Variants in ZRANB1 observed in about 807,000 individuals in gnomAD.
The protein encoded by ZRANB1 is ubiquitin thioesterase ZRANB1.
A neutral mutation model predicts 80.5 loss-of-function variants in ZRANB1; 16 were observed. The ratio of observed to expected loss-of-function variants is 0.20; its 90% CI spans 0.13 to 0.30. The LOEUF is 0.30. Ranked by LOEUF, ZRANB1 falls within the 10% of genes least tolerant of loss-of-function variation. The pLI, the probability that ZRANB1 is intolerant of heterozygous loss-of-function variation, is 1.00. For synonymous variants in ZRANB1, 291 were observed against 293.1 expected (o/e 0.99, Z 0.07); for missense variants, 576 against 862.6 (o/e 0.67, Z 4.16).
chr10:124,983,451 C>G lies in ZRANB1; in HGVS notation c.1679-8C>G, dbSNP rs372506224. 6.2e-7 allele frequency: 1 copy of G among 1,606,086 alleles called. No homozygotes were observed. The highest frequency in any genetic ancestry group is 1.7e-5 in the Admixed American group (1 of 59,610). ...TGACTGTTGGGATTTTCTTCCCTCT[C>G]TTTCCAGGTGTTTATCTGCCTTTGT... is the stretch of plus-strand genomic sequence containing the variant. On this transcript the variant is annotated splice_polypyrimidine_tract_variant and splice_region_variant and intron_variant, in intron 7 of 8. Transcript: ENST00000359653. This position sits in a 1 kb window ranked among gnomAD's most constrained non-coding sequence, Gnocchi z 6.2.
At chr10:124,920,336 A>G in the ZRANB1 span, among the ~76,000 whole-genome samples, 252 of 152,220 alleles carry the variant, frequency 1.7e-3, no homozygotes, top group African/African-American at 5.9e-3. Context: ...TTGGTATTCG[A>G]TTTGGAATAT....
At chr10:124,924,893 G>A in the ZRANB1 span, among the ~76,000 whole-genome samples, 2 of 151,470 alleles carry the variant, frequency 1.3e-5, no homozygotes, top group South Asian at 4.2e-4. Flanking sequence ...TTTCCAAAGT[G>A]GTTGCATCAT....
the ZRANB1 span, among the ~76,000 whole-genome samples, chr10:124,935,343 C>G: frequency 1.3e-5 from 2 of 152,218 alleles, no homozygotes; most frequent in South Asian, 4.1e-4. Flanking sequence ...AAACATGAAT[C>G]TTAGTCCAAA....
At chr10:124,919,613 C>CTTTTTT in the ZRANB1 span, among the ~76,000 whole-genome samples, 1 of 131,604 alleles carries the variant, frequency 7.6e-6, no homozygotes, top group African/African-American at 3.0e-5. Flanking sequence ...CCTCCTCCTC[C>CTTTTTT]TTTTTTTTTT....
chr10:124,918,338 G>T, the ZRANB1 span, among the ~76,000 whole-genome samples: 11 of 152,118 alleles, frequency 7.2e-5, no homozygotes, highest in Non-Finnish European at 1.2e-4. Context: ...CTACAGGCAT[G>T]CGCCACCACG....
At chr10:124,946,201 C>T (rs756762453) in intron 1 of ZRANB1, 2 of 152,292 alleles carry the variant, frequency 1.3e-5, no homozygotes, top group Non-Finnish European at 1.5e-5. Context: ...GGCGGGTCAC[C>T]TGAGGTCGGG....
In ZRANB1 at chr10:124,942,195, T is replaced by A; in HGVS notation, c.-299T>A. 1 of 1,181,522 alleles carries A rather than the reference T, an allele frequency of 8.5e-7. No homozygotes were observed. Among genetic ancestry groups the A allele is most frequent in the Non-Finnish European group, 1.1e-6 (1 of 951,070 alleles). 73.2% of individuals were successfully genotyped at this position (1,181,522 alleles called of 1,614,324 possible). On this transcript the variant is annotated 5_prime_UTR_variant, in exon 1 of 9. Transcript: ENST00000359653. ...AATCTCATCCTTCTTAGATCAAACC[T>A]CGTTATATCTCCTGCCTATCTCTTT...
At chr10:124,929,337 C>T in the ZRANB1 span, among the ~76,000 whole-genome samples, 1 of 150,334 alleles carries the variant, frequency 6.7e-6, no homozygotes. Context: ...CCTGAAGGCA[C>T]AGATTCTTTT....
intron 5 of ZRANB1, among the ~76,000 whole-genome samples, chr10:124,977,275 C>CT (rs201153304): frequency 0.021 from 2,722 of 130,366 alleles, 55 homozygotes; most frequent in African/African-American, 0.052. Flanking sequence ...TGCACCTGGC[C>CT]TTTTTTTTTT....
chr10:124,966,616 T>G lies in ZRANB1; in HGVS notation c.837T>G (p.Ala279=). 6.2e-7 allele frequency: 1 copy of G among 1,613,418 alleles called. No individual in the cohort carries two copies. The highest frequency in any genetic ancestry group is 1.7e-5 in the Admixed American group (1 of 59,888). ...TAGGGGTTGTAGAAGGTGATTTAGCTGCCATAGAAGCATACAAGTCATCAG... is the reference window on the plus strand; with the variant it reads ...TAGGGGTTGTAGAAGGTGATTTAGCGGCCATAGAAGCATACAAGTCATCAG... ...ACVGVVEGDL[A]AIEAYKSSGG... is the part of the protein sequence containing the mutation. Residue 279 remains alanine (A), a synonymous_variant, in exon 2 of 9, where the codon GCT becomes GCG. Transcript: ENST00000359653.
rs1236551207 is a variant in ZRANB1, at chr10:124,983,558, A to T, written c.1778A>T (p.Glu593Val). The T allele has an allele frequency of 6.2e-7, 1 of 1,614,062 alleles. No individual in the cohort carries two copies. The highest frequency in any genetic ancestry group is 8.5e-7 in the Non-Finnish European group (1 of 1,180,018). The change falls in exon 8 of 9, where the codon GAA becomes GTA. Residue 593 changes from glutamate to valine, a missense_variant. By Grantham distance (121) the Glu-to-Val change is moderately radical (BLOSUM62 -2). This residue lies in a region of ZRANB1 where 152 missense variants were observed against 221.9 expected (regional missense o/e 0.69). Transcript: ENST00000359653. The surrounding 1 kb of genome is among the most constrained non-coding windows in gnomAD (Gnocchi z 6.2). ...CACTTCTCTGCTTTGGTTGCCATGG[A>T]AAATGATGGCTATGGCAACCGAGGT... The part of the protein sequence containing the change: ...RGHFSALVAM[E>V]NDGYGNRGAG...
intron 1 of ZRANB1, among the ~76,000 whole-genome samples, chr10:124,961,035 T>C (rs987631198): frequency 7.9e-5 from 12 of 152,018 alleles, no homozygotes; most frequent in Admixed American, 7.9e-4. Flanking sequence ...AGTTTCGCTC[T>C]TTGTTGTCCA....
chr10:124,980,821 G>A (rs1951925572), intron 5 of ZRANB1, among the ~76,000 whole-genome samples: 1 of 152,100 alleles, frequency 6.6e-6, no homozygotes, highest in African/African-American at 2.4e-5. Context: ...TGTTGGCCAG[G>A]TTGTTTTGAA....
rs1952030501 is a variant in ZRANB1 at position 124,986,218 on chromosome 10, G to A, written c.*1226G>A. ...TCTCAGGAACACAGAAATATTTGGT[G>A]TCCTGATAAGCACTTTCTAGACTAT... On this transcript the variant is annotated 3_prime_UTR_variant, in exon 9 of 9. Coordinates refer to ENST00000359653, the MANE Select transcript of ZRANB1 (RefSeq NM_017580.3). 1 of 152,066 alleles carries A rather than the reference G, an allele frequency of 6.6e-6. No homozygotes were observed. Among genetic ancestry groups the A allele is most frequent in the East Asian group, 1.9e-4 (1 of 5,168 alleles). 9.4% of individuals were successfully genotyped at this position (152,066 alleles called of 1,614,324 possible). A position where few individuals can be genotyped will look rare whatever the true frequency, so the allele number is the denominator to read the frequency against.
the ZRANB1 span, among the ~76,000 whole-genome samples, chr10:124,933,097 A>G: frequency 6.6e-6 from 1 of 150,550 alleles, no homozygotes; most frequent in Admixed American, 6.6e-5. Context: ...GTTTTAAATA[A>G]TCAGTGAAGT....
At position 124,981,824 on chromosome 10, in the gene ZRANB1, A is replaced by T. The variant is rs771163954; in HGVS notation, c.1543A>T (p.Ser515Cys). The T allele has an allele frequency of 3.1e-6, 5 of 1,613,444 alleles. No individual in the cohort carries two copies. The highest frequency in any genetic ancestry group is 4.2e-6 in the Non-Finnish European group (5 of 1,179,754). The change falls in exon 6 of 9, where the codon AGT (serine) becomes TGT (cysteine). Residue 515 changes from serine to cysteine, a missense_variant. Physicochemically the swap from Ser to Cys is moderately radical, Grantham distance 112. Around this residue, in one of 3 missense-constraint regions of ZRANB1, gnomAD observed 13 missense variants for 57.6 expected, o/e 0.23. Transcript: ENST00000359653. ...EDWAFILSLA[S>C]QPGASLEQTH... ...CTGGGCATTTATACTCTCTCTTGCT[A>T]GTCAGGTGAGGATGCTTCAAGTCTT...
chr10:124,941,067 G>A (rs1294636335), upstream of ZRANB1, among the ~76,000 whole-genome samples: 3 of 152,012 alleles, frequency 2.0e-5, no homozygotes, highest in African/African-American at 7.2e-5. Context: ...AAATCCCTGA[G>A]AAAGAGAGAG....
chr10:124,942,648 A>G lies in ZRANB1; in HGVS notation c.155A>G (p.Asp52Gly). 1 of 1,614,214 alleles carries G rather than the reference A, an allele frequency of 6.2e-7. No individual in the cohort carries two copies. Among genetic ancestry groups the G allele is most frequent in the South Asian group, 1.1e-5 (1 of 91,080 alleles). Residue 52 changes from aspartate (D) to glycine (G), a missense_variant, in exon 1 of 9, where the codon GAT (aspartate) becomes GGT (glycine). Physicochemically the swap from Asp to Gly is moderately conservative, Grantham distance 94. Transcript: ENST00000359653. ...AGTGGTTCAAGTGATGTTGGTAGAG[A>G]TTGGGATCCTTCCAGCACCGAAGGA... ...FKSGSSDVGRDWDPSSTEGGS... is the reference protein window; with the variant it reads ...FKSGSSDVGRGWDPSSTEGGS...
intron 1 of ZRANB1, among the ~76,000 whole-genome samples, chr10:124,957,012 A>G (rs998571818): frequency 6.6e-5 from 10 of 152,340 alleles, no homozygotes; most frequent in Non-Finnish European, 1.5e-4. Flanking sequence ...TTTCCTACAC[A>G]ACCACACAGT....
Sources: allele counts gnomAD v4.1 joint callset (sites outside exome capture counted in the v4.1 genomes callset), GRCh38; gene constraint gnomAD v4.1.1; regional missense constraint gnomAD v4.1.1; non-coding constraint Gnocchi (gnomAD v3.1); transcripts MANE v1.5; gene names NCBI Gene and HGNC (gene_info 2026-07-23, HGNC 2026-07-21).